RORA: variants seen among roughly 807,000 people sequenced by gnomAD.
RORA encodes the protein RAR related orphan receptor A.
RORA carries 7 observed loss-of-function variants against 69.5 expected under a neutral mutation model. The observed-to-expected ratio is 0.10, with a 90% confidence interval of 0.06 to 0.19. RORA has a LOEUF of 0.19. Among genes scored for constraint, RORA ranks in the 10% least tolerant of loss-of-function variants. The pLI is 1.00. For missense variants in RORA, 457 were observed against 663.0 expected (o/e 0.69, Z 3.41); for synonymous variants, 261 against 240.8 (o/e 1.08, Z -0.78).
chr15:60,839,203 A>G (rs1298525017), intron 1 of RORA, among the ~76,000 whole-genome samples: 1 of 152,066 alleles, frequency 6.6e-6, no homozygotes, highest in Non-Finnish European at 1.5e-5. Context: ...TGGCCTCAAC[A>G]TATATTTTTT....
At chr15:61,053,067 T>C (rs1239102039) in intron 1 of RORA, among the ~76,000 whole-genome samples, 1 of 152,212 alleles carries the variant, frequency 6.6e-6, no homozygotes, top group Non-Finnish European at 1.5e-5. Context: ...AATACATCAC[T>C]CCTGCTTTTG....
At chr15:60,778,358 A>AC (rs1320578784) in intron 1 of RORA, among the ~76,000 whole-genome samples, 2 of 151,138 alleles carry the variant, frequency 1.3e-5, no homozygotes, top group Admixed American at 6.6e-5. Flanking sequence ...ACGAAAGGGC[A>AC]CCCCCCACTG....
chr15:61,196,272 A>T (rs994711629), intron 1 of RORA, among the ~76,000 whole-genome samples: 1 of 152,020 alleles, frequency 6.6e-6, no homozygotes, highest in African/African-American at 2.4e-5. Flanking sequence ...AATAGCTGCA[A>T]TATCAGACTA....
chr15:61,160,499 A>T (rs2079485217), intron 1 of RORA, among the ~76,000 whole-genome samples: 2 of 152,242 alleles, frequency 1.3e-5, no homozygotes, highest in South Asian at 4.1e-4. Context: ...TCAAACAAAT[A>T]TAAAAATCTC....
intron 1 of RORA, among the ~76,000 whole-genome samples, chr15:60,681,088 T>C (rs2070635851): frequency 6.6e-6 from 1 of 152,184 alleles, no homozygotes; most frequent in Non-Finnish European, 1.5e-5. Flanking sequence ...GAAAATGTAT[T>C]GGAATTCTCT....
chr15:60,851,152 G>T (rs1024259661), intron 1 of RORA, among the ~76,000 whole-genome samples: 1 of 152,134 alleles, frequency 6.6e-6, no homozygotes, highest in Non-Finnish European at 1.5e-5. Flanking sequence ...GAGCAACGAT[G>T]TACATATACA....
intron 1 of RORA, among the ~76,000 whole-genome samples, chr15:60,732,299 T>C (rs572835864): frequency 4.5e-4 from 69 of 152,226 alleles, no homozygotes; most frequent in Non-Finnish European, 8.4e-4. Context: ...TGTCAAATTG[T>C]TGGATTATAT....
chr15:61,151,412 C>T (rs1183268129), intron 1 of RORA, among the ~76,000 whole-genome samples: 5 of 152,180 alleles, frequency 3.3e-5, no homozygotes, highest in Non-Finnish European at 5.9e-5. Flanking sequence ...TCTTCAGTAC[C>T]TTCTCCTTTT....
At chr15:60,762,690 T>C (rs913910441) in intron 1 of RORA, among the ~76,000 whole-genome samples, 1 of 152,232 alleles carries the variant, frequency 6.6e-6, no homozygotes, top group Admixed American at 6.5e-5. Context: ...GAAGCTACTG[T>C]GGCTTTGTAG....
chr15:60,710,993 T>C (rs1480757766), intron 1 of RORA, among the ~76,000 whole-genome samples: 1 of 152,178 alleles, frequency 6.6e-6, no homozygotes, highest in South Asian at 2.1e-4. Flanking sequence ...GGAAGCTCCA[T>C]GCTTAACACT....
chr15:60,772,605 G>C (rs181619485), intron 1 of RORA, among the ~76,000 whole-genome samples: 1 of 152,256 alleles, frequency 6.6e-6, no homozygotes, highest in African/African-American at 2.4e-5. Context: ...CTTTCAAAAC[G>C]TGATAAGTAA....
intron 2 of RORA, among the ~76,000 whole-genome samples, chr15:60,615,865 G>A (rs2069227754): frequency 6.6e-6 from 1 of 152,158 alleles, no homozygotes; most frequent in Non-Finnish European, 1.5e-5. Flanking sequence ...TGAGAGGGCT[G>A]CTTCGAAAAT....
chr15:60,687,598 A>G (rs1174903113), intron 1 of RORA, among the ~76,000 whole-genome samples: 1 of 152,214 alleles, frequency 6.6e-6, no homozygotes, highest in East Asian at 1.9e-4. Flanking sequence ...AAAAAATACC[A>G]AAAACATTAG....
At chr15:60,596,175 G>A (rs2068662130) in intron 2 of RORA, among the ~76,000 whole-genome samples, 1 of 152,138 alleles carries the variant, frequency 6.6e-6, no homozygotes, top group Admixed American at 6.5e-5. Context: ...CTATTGGGGA[G>A]AATGACAAAC....
At chr15:60,913,615 C>G (rs1389039475) in intron 1 of RORA, among the ~76,000 whole-genome samples, 1 of 152,050 alleles carries the variant, frequency 6.6e-6, no homozygotes, top group African/African-American at 2.4e-5. Flanking sequence ...GAAAGGTGGC[C>G]CTATTTTAAG....
At chr15:61,222,484 A>C (rs994573415) in intron 1 of RORA, among the ~76,000 whole-genome samples, 1 of 152,224 alleles carries the variant, frequency 6.6e-6, no homozygotes, top group African/African-American at 2.4e-5. Flanking sequence ...GCTATGGTAC[A>C]TTTATTCCTC....
chr15:61,072,963 G>T (rs534243858), intron 1 of RORA, among the ~76,000 whole-genome samples: 10 of 152,356 alleles, frequency 6.6e-5, no homozygotes, highest in Admixed American at 4.6e-4. Context: ...CAGGAAAAGT[G>T]AATTCCAGGA....
chr15:60,911,432 G>A (rs1891712743), intron 1 of RORA, among the ~76,000 whole-genome samples: 1 of 152,114 alleles, frequency 6.6e-6, no homozygotes, highest in South Asian at 2.1e-4. Context: ...TGACTTTACT[G>A]GCGGACAAAA....
At chr15:60,832,126 A>G (rs1260400092) in intron 1 of RORA, among the ~76,000 whole-genome samples, 3 of 152,242 alleles carry the variant, frequency 2.0e-5, no homozygotes, top group Non-Finnish European at 4.4e-5. Context: ...CATAGCCAGA[A>G]TAAAGACCAT....
Sources: allele counts gnomAD v4.1 joint callset (sites outside exome capture counted in the v4.1 genomes callset), GRCh38; gene constraint gnomAD v4.1.1; transcripts MANE v1.5; gene names NCBI Gene and HGNC (gene_info 2026-07-23, HGNC 2026-07-21).